Variants in FHIT observed in about 807,000 individuals in gnomAD.
The protein encoded by FHIT is fragile histidine triad diadenosine triphosphatase, also known as bis(5'-adenosyl)-triphosphatase.
FHIT carries 19 observed loss-of-function variants against 17.9 expected under a neutral mutation model. That is an observed-to-expected ratio of 1.06 (90% CI 0.74 to 1.56). The LOEUF is 1.56. Ranked by LOEUF, FHIT falls within the 40% of genes most tolerant of loss-of-function variation. The probability of loss-of-function intolerance (pLI) is 0.00; values close to 1 mark genes in which losing one functional copy is unlikely to be tolerated. For missense variants in FHIT, 248 were observed against 189.2 expected, an observed-to-expected ratio of 1.31 and a Z score of -1.82; for synonymous variants, 81 against 69.7, an observed-to-expected ratio of 1.16 and a Z score of -0.81.
chr3:60,845,422 G>T (rs782528635), intron 3 of FHIT, among the ~76,000 whole-genome samples: 5 of 151,950 alleles, frequency 3.3e-5, no homozygotes, highest in Admixed American at 3.3e-4. Context: ...GAGAGACAAC[G>T]TCTGGCTTCT....
At chr3:60,317,646 T>C (rs888758287) in intron 5 of FHIT, among the ~76,000 whole-genome samples, 31 of 147,682 alleles carry the variant, frequency 2.1e-4, no homozygotes, top group Admixed American at 5.4e-4. Flanking sequence ...TATATATATA[T>C]ATATATAATA....
intron 5 of FHIT, among the ~76,000 whole-genome samples, chr3:60,245,916 C>T (rs116185188): frequency 0.013 from 1,915 of 151,924 alleles, 33 homozygotes; most frequent in African/African-American, 0.043. Context: ...AGCCATTGGA[C>T]AATAAATGCA....
intron 3 of FHIT, among the ~76,000 whole-genome samples, chr3:60,874,691 C>T (rs1704566083): frequency 6.6e-6 from 1 of 152,104 alleles, no homozygotes; most frequent in African/African-American, 2.4e-5. Context: ...CCAAGAGTTG[C>T]GATCCTAGAC....
intron 4 of FHIT, among the ~76,000 whole-genome samples, chr3:60,579,730 T>C (rs1553658997): frequency 6.6e-6 from 1 of 152,162 alleles, no homozygotes; most frequent in Non-Finnish European, 1.5e-5. Flanking sequence ...ATCTCCTGTT[T>C]CAATTTGAGA....
chr3:60,689,310 G>A (rs2142299), intron 4 of FHIT, among the ~76,000 whole-genome samples: 5,850 of 151,906 alleles, frequency 0.039, 149 homozygotes, highest in East Asian at 0.097. Flanking sequence ...CAGTAAAAAG[G>A]ACTAATACAC....
At chr3:59,891,708 G>A (rs989185890) in intron 8 of FHIT, among the ~76,000 whole-genome samples, 1 of 152,128 alleles carries the variant, frequency 6.6e-6, no homozygotes, top group African/African-American at 2.4e-5. Flanking sequence ...ATTCACATAG[G>A]GCTAGGTGTG....
At chr3:60,105,054 G>A (rs1281587234) in intron 5 of FHIT, among the ~76,000 whole-genome samples, 1 of 152,148 alleles carries the variant, frequency 6.6e-6, no homozygotes, top group African/African-American at 2.4e-5. Context: ...TGACTGCTCT[G>A]TACCGTTCAC....
At chr3:60,309,572 A>G (rs1320088429) in intron 5 of FHIT, among the ~76,000 whole-genome samples, 1 of 152,114 alleles carries the variant, frequency 6.6e-6, no homozygotes, top group Non-Finnish European at 1.5e-5. Flanking sequence ...TTTTCTGTGC[A>G]TTCCTTCTAC....
At chr3:60,618,533 G>C (rs1181566497) in intron 4 of FHIT, among the ~76,000 whole-genome samples, 1 of 152,166 alleles carries the variant, frequency 6.6e-6, no homozygotes, top group East Asian at 1.9e-4. Flanking sequence ...AACATGTGGT[G>C]CTTGGTTTTC....
At chr3:61,008,458 A>C (rs904027307) in intron 3 of FHIT, among the ~76,000 whole-genome samples, 3 of 152,132 alleles carry the variant, frequency 2.0e-5, no homozygotes, top group Non-Finnish European at 4.4e-5. Flanking sequence ...TTGGGAGAAC[A>C]AAAGGAGTCT....
chr3:60,365,942 T>C (rs1700088639), intron 5 of FHIT, among the ~76,000 whole-genome samples: 2 of 152,190 alleles, frequency 1.3e-5, no homozygotes, highest in South Asian at 2.1e-4. Flanking sequence ...AATGCCTCTT[T>C]GAAGCATACT....
chr3:60,882,769 G>A (rs782530531), intron 3 of FHIT, among the ~76,000 whole-genome samples: 15 of 151,950 alleles, frequency 9.9e-5, no homozygotes, highest in Non-Finnish European at 1.8e-4. Context: ...TACTGAACAG[G>A]GAATAGCTAA....
intron 8 of FHIT, among the ~76,000 whole-genome samples, chr3:59,836,230 C>T (rs1302782328): frequency 6.6e-6 from 1 of 152,132 alleles, no homozygotes. Context: ...CTGTGATCCT[C>T]TCAAAATTTC....
chr3:60,270,616 A>AT (rs1460951353), intron 5 of FHIT, among the ~76,000 whole-genome samples: 1 of 152,230 alleles, frequency 6.6e-6, no homozygotes. Flanking sequence ...AATGACCCCT[A>AT]TTAAAAGCCA....
At chr3:60,441,790 A>T (rs372906413) in intron 5 of FHIT, among the ~76,000 whole-genome samples, 3 of 43,412 alleles carry the variant, frequency 6.9e-5, no homozygotes, top group African/African-American at 1.7e-4. Flanking sequence ...AAAAATATAT[A>T]TATATATATA....
intron 1 of FHIT, among the ~76,000 whole-genome samples, chr3:61,230,501 A>G (rs2040073295): frequency 6.6e-6 from 1 of 152,172 alleles, no homozygotes; most frequent in African/African-American, 2.4e-5. Context: ...CTGTGAGCCA[A>G]TTAAATCTCT....
At chr3:60,219,355 C>T (rs768917168) in intron 5 of FHIT, among the ~76,000 whole-genome samples, 3 of 152,076 alleles carry the variant, frequency 2.0e-5, no homozygotes, top group Non-Finnish European at 4.4e-5. Context: ...TCTATTTCAT[C>T]TGTGTAACAA....
chr3:61,071,791 G>A (rs1055969365), intron 2 of FHIT, among the ~76,000 whole-genome samples: 9 of 152,148 alleles, frequency 5.9e-5, no homozygotes, highest in Non-Finnish European at 1.3e-4. Context: ...CAAAGACAAA[G>A]ATGAAATACC....
At position 60,569,753 on chromosome 3, in the gene FHIT, A is replaced by ATTTT. The variant is rs1200159409; in HGVS notation, c.-17-32775_-17-32774insAAAA. 1.8e-3 allele frequency among the ~76,000 whole-genome samples: 105 copies of ATTTT among 57,194 alleles called. 1 individual carries two copies. The highest frequency in any genetic ancestry group is 3.0e-3 in the Admixed American group (13 of 4,340). 37.5% of individuals were successfully genotyped at this position (57,194 alleles called of 152,430 possible). ...TATATATATATATATATATATATAT[A>ATTTT]TATTTTTTTTTTTTTTAGACAGAGT... is the stretch of plus-strand genomic sequence containing the variant. On this transcript the variant is annotated intron_variant, in intron 4 of 9. Transcript: ENST00000492590.
Sources: gnomAD v4.1 joint callset for allele counts (sites outside exome capture counted in the v4.1 genomes callset) on GRCh38, gnomAD v4.1.1 for gene constraint, MANE v1.5 for transcripts, NCBI Gene and HGNC (gene_info 2026-07-23, HGNC 2026-07-21) for gene names.